MBLAC1: variants seen among roughly 807,000 people sequenced by gnomAD.
The protein encoded by MBLAC1 is metallo-beta-lactamase domain containing 1.
In MBLAC1, 1 loss-of-function variant was observed where a neutral mutation model predicts 1.5. The observed-to-expected ratio is 0.68, with a 90% CI of 0.24 to 3.21. The LOEUF (loss-of-function observed/expected upper bound fraction) is 3.21. MBLAC1 is among the 30% of genes most tolerant of loss of function. MBLAC1 has a pLI of 0.20. For missense variants in MBLAC1, 371 were observed against 384.7 expected (o/e 0.96, Z 0.30); for synonymous variants, 197 against 191.3 (o/e 1.03, Z -0.25).
rs200347389 is a variant in MBLAC1 at position 100,127,879 on chromosome 7, G to C, written c.484G>C (p.Glu162Gln). The C allele has an allele frequency of 1.2e-4, 193 of 1,561,918 alleles. 2 individuals carry two copies. In the African/African-American group the frequency reaches 2.1e-3, roughly 17 times the overall value. Residue 162 changes from glutamate (E) to glutamine (Q), a missense_variant, in exon 2 of 2, where the codon GAG becomes CAG. By Grantham distance (29) the Glu-to-Gln change is conservative (BLOSUM62 2). Coordinates refer to ENST00000398075, the MANE Select transcript of MBLAC1 (RefSeq NM_203397.3). This position sits in a 1 kb window ranked among gnomAD's most constrained non-coding sequence, Gnocchi z 4.6. ...GQPLRLGPGL[E>Q]VWATPGHGGQ... ...GCCCCTGCGCCTGGGCCCGGGGCTC[G>C]AGGTGTGGGCCACGCCGGGCCACGG...
Position 100,127,162 on chromosome 7 carries a change from G to GGCCGAGGGGGCCGAGGAC in MBLAC1, c.-29+105_-29+106insGGGCCGAGGACGCCGAGG. 3 of 541,472 alleles carry GGCCGAGGGGGCCGAGGAC rather than the reference G, an allele frequency of 5.5e-6. No homozygotes were observed. The allele number at this position is 541,472 out of a possible 1,614,324, so 33.5% of individuals were successfully genotyped here. ...CGTACCGCGAACGGAATGGGGCGGGGGCCGAGGACGCCGAGGGAGGGGCGG... is the reference window on the plus strand; with the variant it reads ...CGTACCGCGAACGGAATGGGGCGGGGGCCGAGGGGGCCGAGGACGCCGAGGACGCCGAGGGAGGGGCGG... On this transcript the variant is annotated intron_variant, in intron 1 of 1. Transcript: ENST00000398075. The surrounding 1 kb of genome is among the most constrained non-coding windows in gnomAD (Gnocchi z 4.6).
At position 100,127,443 on chromosome 7, in the gene MBLAC1, C is replaced by T. The variant is rs1798253575; in HGVS notation, c.48C>T (p.Gly16=). ...GGGCATCCCCTCTGCTGGTGCCCGG[C>T]GACCCCTACTCTGTGGTGGTTCTGC... The part of the protein sequence containing the change: ...LCGASPLLVP[G]DPYSVVVLLQ... The change falls in exon 2 of 2, where the codon GGC becomes GGT. Residue 16 remains glycine, a synonymous_variant. Transcript: ENST00000398075. This position sits in a 1 kb window ranked among gnomAD's most constrained non-coding sequence, Gnocchi z 4.6. 1 of 1,593,958 alleles carries T rather than the reference C, an allele frequency of 6.3e-7. No individual in the cohort carries two copies. Among genetic ancestry groups the T allele is most frequent in the Non-Finnish European group, 8.5e-7 (1 of 1,177,662 alleles).
chr7:100,126,975 G>A lies in MBLAC1; in HGVS notation c.-118G>A, dbSNP rs1798233193. 1 of 165,596 alleles carries A rather than the reference G, an allele frequency of 6.0e-6. No individual in the cohort carries two copies. Among genetic ancestry groups the A allele is most frequent in the African/African-American group, 2.4e-5 (1 of 41,928 alleles). 10.3% of individuals were successfully genotyped at this position (165,596 alleles called of 1,614,324 possible). A position where few individuals can be genotyped will look rare whatever the true frequency, so the allele number is the denominator to read the frequency against. ...GCGCCGCTTCGGCCGCCATATCTGG[G>A]TACACGGGAACCGCAGAGGACAAAC... On this transcript the variant is annotated 5_prime_UTR_variant, in exon 1 of 2. Transcript: ENST00000398075.
In MBLAC1 at chr7:100,128,015, G is replaced by A; in HGVS notation, c.620G>A (p.Ser207Asn). ...DGDEDSWQAL[S>N]EDPAAQERSR... ...GACGAGGATTCGTGGCAGGCACTGA[G>A]TGAAGACCCCGCAGCCCAGGAGCGG... is the stretch of plus-strand genomic sequence containing the variant. Residue 207 changes from serine to asparagine, a missense_variant, in exon 2 of 2, where the codon AGT becomes AAT. Coordinates refer to ENST00000398075, the MANE Select transcript of MBLAC1 (RefSeq NM_203397.3). 1 of 1,613,700 alleles carries A rather than the reference G, an allele frequency of 6.2e-7. No individual in the cohort carries two copies.
Position 100,128,045 on chromosome 7 carries a change from G to A in MBLAC1, c.650G>A (p.Arg217Gln). The change falls in exon 2 of 2, where the codon CGG (arginine) becomes CAG (glutamine). Residue 217 changes from arginine to glutamine, a missense_variant. Coordinates refer to ENST00000398075, the MANE Select transcript of MBLAC1 (RefSeq NM_203397.3). Reference sequence around the variant, plus strand: ...GACCCCGCAGCCCAGGAGCGGAGCCGGAAGAGGGTCCTGGTCGTTGCCGAC... The same window carrying A: ...GACCCCGCAGCCCAGGAGCGGAGCCAGAAGAGGGTCCTGGTCGTTGCCGAC... ...SEDPAAQERS[R>Q]KRVLVVADVV... 3 of 1,613,296 alleles carry A rather than the reference G, an allele frequency of 1.9e-6. No homozygotes were observed. The highest frequency in any genetic ancestry group is 1.7e-6 in the Non-Finnish European group (2 of 1,179,762).
chr7:100,127,701 G>A lies in MBLAC1; in HGVS notation c.306G>A (p.Val102=). ...ALLGALAGQG[V]APGDVTLVVG... ...TGGGGGCGCTGGCGGGGCAGGGCGT[G>A]GCCCCGGGAGACGTGACGCTAGTGG... Residue 102 remains valine, a synonymous_variant, in exon 2 of 2, where the codon GTG becomes GTA. Coordinates refer to ENST00000398075, the MANE Select transcript of MBLAC1 (RefSeq NM_203397.3). The surrounding 1 kb of genome is among the most constrained non-coding windows in gnomAD (Gnocchi z 4.6). 6.9e-7 allele frequency: 1 copy of A among 1,441,084 alleles called. No individual in the cohort carries two copies. The highest frequency in any genetic ancestry group is 1.5e-5 in the South Asian group (1 of 66,744). The allele number at this position is 1,441,084 out of a possible 1,614,324, so 89.3% of individuals were successfully genotyped here.
In MBLAC1 at chr7:100,127,332, G is replaced by T. The variant is rs1380777262; in HGVS notation, c.-28-36G>T. On this transcript the variant is annotated intron_variant, in intron 1 of 1. Coordinates refer to ENST00000398075, the MANE Select transcript of MBLAC1 (RefSeq NM_203397.3). The surrounding 1 kb of genome is among the most constrained non-coding windows in gnomAD (Gnocchi z 4.6). The stretch of plus-strand genomic sequence containing the variant: ...CGGGTGGGGGATCGCGGAGGGACAG[G>T]ACGGTCGCCCACTGCTCCATTTCCT... 4 of 1,445,264 alleles carry T rather than the reference G, an allele frequency of 2.8e-6. No homozygotes were observed. Among genetic ancestry groups the T allele is most frequent in the Middle Eastern group, 2.5e-4 (1 of 4,080 alleles). 89.5% of individuals were successfully genotyped at this position (1,445,264 alleles called of 1,614,324 possible).
Position 100,127,152 on chromosome 7 carries a change from A to C in MBLAC1, c.-29+88A>C. On this transcript the variant is annotated intron_variant, in intron 1 of 1. Transcript: ENST00000398075. The surrounding 1 kb of genome is among the most constrained non-coding windows in gnomAD (Gnocchi z 4.6). ...CAAGGACGTACGTACCGCGAACGGA[A>C]TGGGGCGGGGGCCGAGGACGCCGAG... 8.0e-6 allele frequency: 4 copies of C among 503,074 alleles called. No homozygotes were observed. The highest frequency in any genetic ancestry group is 1.1e-5 in the Non-Finnish European group (3 of 283,476). The allele number at this position is 503,074 out of a possible 1,614,324, so 31.2% of individuals were successfully genotyped here.
rs955138215 is a variant in MBLAC1, at chr7:100,126,993, G to A, written c.-100G>A. On this transcript the variant is annotated 5_prime_UTR_variant, in exon 1 of 2. Transcript: ENST00000398075. Reference sequence around the variant, plus strand: ...TATCTGGGTACACGGGAACCGCAGAGGACAAACTCTCACCCGCGTTTTCGA... The same window carrying A: ...TATCTGGGTACACGGGAACCGCAGAAGACAAACTCTCACCCGCGTTTTCGA... 1 of 175,348 alleles carries A rather than the reference G, an allele frequency of 5.7e-6. No homozygotes were observed. The allele number at this position is 175,348 out of a possible 1,614,324, so 10.9% of individuals were successfully genotyped here. A position where few individuals can be genotyped will look rare whatever the true frequency, so the allele number is the denominator to read the frequency against.
Position 100,127,079 on chromosome 7 carries a change from GGATTC to G in MBLAC1, c.-29+19_-29+23del, listed in dbSNP as rs1211904312. ...AGAGGCCCAAGGTAGAGCGCGGCTA[GGATTC>G]GATGGAGGGAAACATAAAGGATAGC... On this transcript the variant is annotated intron_variant, in intron 1 of 1. Coordinates refer to ENST00000398075, the MANE Select transcript of MBLAC1 (RefSeq NM_203397.3). This position sits in a 1 kb window ranked among gnomAD's most constrained non-coding sequence, Gnocchi z 4.6. 2.7e-6 allele frequency: 1 copy of G among 365,304 alleles called. No individual in the cohort carries two copies. The highest frequency in any genetic ancestry group is 5.0e-6 in the Non-Finnish European group (1 of 198,112). The allele number at this position is 365,304 out of a possible 1,614,324, so 22.6% of individuals were successfully genotyped here. A position where few individuals can be genotyped will look rare whatever the true frequency, so the allele number is the denominator to read the frequency against.
Position 100,128,490 on chromosome 7 carries a change from T to G in MBLAC1, c.*294T>G, listed in dbSNP as rs1045892576. 1 of 416,176 alleles carries G rather than the reference T, an allele frequency of 2.4e-6. No individual in the cohort carries two copies. The highest frequency in any genetic ancestry group is 2.0e-5 in the African/African-American group (1 of 49,320). 25.8% of individuals were successfully genotyped at this position (416,176 alleles called of 1,614,324 possible). On this transcript the variant is annotated 3_prime_UTR_variant, in exon 2 of 2. Coordinates refer to ENST00000398075, the MANE Select transcript of MBLAC1 (RefSeq NM_203397.3). Reference sequence around the variant, plus strand: ...TCCAAAATAAAAATGGAAACTGCATTGAAAATCATAGTGCCCTAGTGTAAA... The same window carrying G: ...TCCAAAATAAAAATGGAAACTGCATGGAAAATCATAGTGCCCTAGTGTAAA...
chr7:100,127,527 G>T lies in MBLAC1; in HGVS notation c.132G>T (p.Val44=). Residue 44 remains valine, a synonymous_variant, in exon 2 of 2, where the codon GTG becomes GTT. Coordinates refer to ENST00000398075, the MANE Select transcript of MBLAC1 (RefSeq NM_203397.3). The surrounding 1 kb of genome is among the most constrained non-coding windows in gnomAD (Gnocchi z 4.6). ...VGDAVRADGS[V]TLVLPQTRGP... ...ATGCCGTGCGCGCCGACGGCTCCGTGACCCTGGTCCTACCCCAGACCCGGG... is the reference window on the plus strand; with the variant it reads ...ATGCCGTGCGCGCCGACGGCTCCGTTACCCTGGTCCTACCCCAGACCCGGG... 1 of 1,563,198 alleles carries T rather than the reference G, an allele frequency of 6.4e-7. No homozygotes were observed.
Position 100,128,091 on chromosome 7 carries a change from G to A in MBLAC1, c.696G>A (p.Gly232=), listed in dbSNP as rs371616239. 189 of 1,610,164 alleles carry A rather than the reference G, an allele frequency of 1.2e-4. 1 individual carries two copies. The highest frequency in any genetic ancestry group is 1.3e-4 in the Non-Finnish European group (154 of 1,178,594). Residue 232 remains glycine (G), a synonymous_variant, in exon 2 of 2, where the codon GGG becomes GGA. Transcript: ENST00000398075. ...CCGACGTGGTCGTACCTGGTCACGG[G>A]CCCCCCTTTCGAGTGTTAAGGGAAG... ...VVADVVVPGH[G]PPFRVLREAS... is the part of the protein sequence containing the mutation.
Position 100,127,115 on chromosome 7 carries a change from G to A in MBLAC1, c.-29+51G>A, listed in dbSNP as rs1325929470. ...AGGGAAACATAAAGGATAGCCTTTG[G>A]AGGGTGACGGGCAAGGACGTACGTA... is the stretch of plus-strand genomic sequence containing the variant. On this transcript the variant is annotated intron_variant, in intron 1 of 1. Coordinates refer to ENST00000398075, the MANE Select transcript of MBLAC1 (RefSeq NM_203397.3). The surrounding 1 kb of genome is among the most constrained non-coding windows in gnomAD (Gnocchi z 4.6). 9 of 490,718 alleles carry A rather than the reference G, an allele frequency of 1.8e-5. No homozygotes were observed. The highest frequency in any genetic ancestry group is 3.9e-5 in the Admixed American group (1 of 25,924). The allele number at this position is 490,718 out of a possible 1,614,324, so 30.4% of individuals were successfully genotyped here.
chr7:100,127,810 C>T lies in MBLAC1; in HGVS notation c.415C>T (p.Leu139Phe). ...TCTGCTGGTCTCGCACGACTTCTGC[C>T]TTCCCGGAGGCCGCTACCTGCCCCA... ...AALLVSHDFC[L>F]PGGRYLPHGL... The change falls in exon 2 of 2, where the codon CTT (leucine) becomes TTT (phenylalanine). Residue 139 changes from leucine to phenylalanine, a missense_variant. Physicochemically the swap from Leu to Phe is conservative, Grantham distance 22. Coordinates refer to ENST00000398075, the MANE Select transcript of MBLAC1 (RefSeq NM_203397.3). This position sits in a 1 kb window ranked among gnomAD's most constrained non-coding sequence, Gnocchi z 4.6. 1.3e-6 allele frequency: 2 copies of T among 1,577,180 alleles called. No individual in the cohort carries two copies. The highest frequency in any genetic ancestry group is 1.4e-5 in the African/African-American group (1 of 74,054).
chr7:100,127,142 C>A lies in MBLAC1; in HGVS notation c.-29+78C>A. 1 of 512,010 alleles carries A rather than the reference C, an allele frequency of 2.0e-6. No individual in the cohort carries two copies. Among genetic ancestry groups the A allele is most frequent in the Non-Finnish European group, 3.5e-6 (1 of 288,862 alleles). 31.7% of individuals were successfully genotyped at this position (512,010 alleles called of 1,614,324 possible). On this transcript the variant is annotated intron_variant, in intron 1 of 1. Transcript: ENST00000398075. This position sits in a 1 kb window ranked among gnomAD's most constrained non-coding sequence, Gnocchi z 4.6. ...GGGTGACGGGCAAGGACGTACGTAC[C>A]GCGAACGGAATGGGGCGGGGGCCGA... is the stretch of plus-strand genomic sequence containing the variant.
At position 100,127,591 on chromosome 7, in the gene MBLAC1, G is replaced by C; in HGVS notation, c.196G>C (p.Gly66Arg). ...CCACCGAGAGTCCCCGCGCGGGAGT[G>C]GCGGCGCAGAGGCCGCCCTGGAGGA... ...SSHRESPRGSGGAEAALEEAA... is the reference protein window; with the variant it reads ...SSHRESPRGSRGAEAALEEAA... The change falls in exon 2 of 2, where the codon GGC becomes CGC. Residue 66 changes from glycine to arginine, a missense_variant. Coordinates refer to ENST00000398075, the MANE Select transcript of MBLAC1 (RefSeq NM_203397.3). The surrounding 1 kb of genome is among the most constrained non-coding windows in gnomAD (Gnocchi z 4.6). 7.1e-7 allele frequency: 1 copy of C among 1,409,116 alleles called. No homozygotes were observed. Among genetic ancestry groups the C allele is most frequent in the Admixed American group, 3.1e-5 (1 of 31,766 alleles). The allele number at this position is 1,409,116 out of a possible 1,614,324, so 87.3% of individuals were successfully genotyped here.
rs1463784609 is a variant in MBLAC1 at position 100,127,878 on chromosome 7, C to A, written c.483C>A (p.Leu161=). ...AGCCCCTGCGCCTGGGCCCGGGGCTCGAGGTGTGGGCCACGCCGGGCCACG... is the reference window on the plus strand; with the variant it reads ...AGCCCCTGCGCCTGGGCCCGGGGCTAGAGGTGTGGGCCACGCCGGGCCACG... The part of the protein sequence containing the change: ...EGQPLRLGPG[L]EVWATPGHGG... Residue 161 remains leucine, a synonymous_variant, in exon 2 of 2, where the codon CTC becomes CTA. Transcript: ENST00000398075. The surrounding 1 kb of genome is among the most constrained non-coding windows in gnomAD (Gnocchi z 4.6). 2 of 1,560,990 alleles carry A rather than the reference C, an allele frequency of 1.3e-6. No homozygotes were observed. Among genetic ancestry groups the A allele is most frequent in the Non-Finnish European group, 1.7e-6 (2 of 1,152,008 alleles).
Position 100,128,038 on chromosome 7 carries a change from C to G in MBLAC1, c.643C>G (p.Arg215Gly). The G allele has an allele frequency of 6.2e-7, 1 of 1,613,514 alleles. No homozygotes were observed. The highest frequency in any genetic ancestry group is 8.5e-7 in the Non-Finnish European group (1 of 1,179,816). Residue 215 changes from arginine to glycine, a missense_variant, in exon 2 of 2, where the codon CGG becomes GGG. Physicochemically the swap from Arg to Gly is moderately radical, Grantham distance 125 (BLOSUM62 -2). Transcript: ENST00000398075. ...GAGTGAAGACCCCGCAGCCCAGGAGCGGAGCCGGAAGAGGGTCCTGGTCGT... is the reference window on the plus strand; with the variant it reads ...GAGTGAAGACCCCGCAGCCCAGGAGGGGAGCCGGAAGAGGGTCCTGGTCGT... Reference protein sequence around the residue: ...ALSEDPAAQERSRKRVLVVAD... With the variant: ...ALSEDPAAQEGSRKRVLVVAD...
Sources: gnomAD v4.1 joint callset for allele counts on GRCh38, gnomAD v4.1.1 for gene constraint, Gnocchi (gnomAD v3.1) non-coding constraint, MANE v1.5 for transcripts, NCBI Gene and HGNC (gene_info 2026-07-23, HGNC 2026-07-21) for gene names.